PPARG: variants seen among roughly 807,000 people sequenced by gnomAD.
The protein encoded by PPARG is peroxisome proliferator activated receptor gamma.
Under a neutral mutation model 39.2 loss-of-function variants are expected in PPARG, and 17 were observed. The observed-to-expected ratio is 0.43, with a 90% confidence interval of 0.30 to 0.65. The LOEUF (loss-of-function observed/expected upper bound fraction) is 0.65. Among genes scored for constraint, PPARG ranks in the 30% least tolerant of loss-of-function variants. The probability of loss-of-function intolerance (pLI) is 0.13; values close to 1 mark genes in which losing one functional copy is unlikely to be tolerated. For missense variants in PPARG, 406 were observed against 585.9 expected, an observed-to-expected ratio of 0.69 and a Z score of 3.17; for synonymous variants, 223 against 215.7, an observed-to-expected ratio of 1.03 and a Z score of -0.30.
At chr3:12,323,827 G>A (rs1459480481) in intron 2 of PPARG, among the ~76,000 whole-genome samples, 8 of 152,090 alleles carry the variant, frequency 5.3e-5, no homozygotes, top group Non-Finnish European at 7.4e-5. Flanking sequence ...TTATAAAAGC[G>A]TAGTGGTAGG....
intron 1 of PPARG, among the ~76,000 whole-genome samples, chr3:12,305,122 C>G (rs1043168933): frequency 6.6e-5 from 10 of 151,792 alleles, no homozygotes; most frequent in Admixed American, 5.2e-4. Context: ...CTGGTGTTCC[C>G]TATGTTTTCT....
rs143263610 is a variant in PPARG at position 12,382,372 on chromosome 3, T to G, written c.390+881T>G. ...ACTCATATTTTGATATGCAGTCTTTTAAGATAATTTTAATATACACAATGC... is the reference window on the plus strand; with the variant it reads ...ACTCATATTTTGATATGCAGTCTTTGAAGATAATTTTAATATACACAATGC... On this transcript the variant is annotated intron_variant, in intron 4 of 7. Coordinates refer to ENST00000651735, the MANE Select transcript of PPARG (RefSeq NM_138711.6). 1.5e-4 allele frequency among the ~76,000 whole-genome samples: 23 copies of G among 152,360 alleles called. No homozygotes were observed. In the East Asian group the frequency reaches 3.7e-3, roughly 24 times the overall value.
chr3:12,319,593 A>ATAT (rs1315450190), intron 2 of PPARG, among the ~76,000 whole-genome samples: 2 of 152,172 alleles, frequency 1.3e-5, no homozygotes, highest in Admixed American at 1.3e-4. Flanking sequence ...AATATAAAGT[A>ATAT]TATTACTCAT....
intron 2 of PPARG, among the ~76,000 whole-genome samples, chr3:12,371,247 C>T (rs1334616439): frequency 1.3e-5 from 2 of 152,150 alleles, no homozygotes; most frequent in Admixed American, 6.5e-5. Context: ...GAGATACGAA[C>T]TTCCAGCAAT....
chr3:12,316,366 A>C (rs899847264), intron 2 of PPARG, among the ~76,000 whole-genome samples: 3 of 152,208 alleles, frequency 2.0e-5, no homozygotes. Context: ...AAGAAATAAC[A>C]GAAGTTGCAC....
In PPARG at chr3:12,417,902, C is replaced by CTTTTTTTTTTTTTTTTTTTT. The variant is rs869086237; in HGVS notation, c.1180+752_1180+771dup. Among the ~76,000 whole-genome samples the CTTTTTTTTTTTTTTTTTTTT allele has an allele frequency of 3.8e-4, 25 of 65,902 alleles. 3 individuals are homozygous for CTTTTTTTTTTTTTTTTTTTT. Among genetic ancestry groups the CTTTTTTTTTTTTTTTTTTTT allele is most frequent in the African/African-American group, 6.5e-4 (11 of 16,964 alleles). 43.2% of individuals were successfully genotyped at this position (65,902 alleles called of 152,430 possible). A position where few individuals can be genotyped will look rare whatever the true frequency, so the allele number is the denominator to read the frequency against. On this transcript the variant is annotated intron_variant, in intron 7 of 7. Coordinates refer to ENST00000651735, the MANE Select transcript of PPARG (RefSeq NM_138711.6). ...CTTTTTTTTTTCTTTTTTTTTTTTC[C>CTTTTTTTTTTTTTTTTTTTT]TTTTTTTTTTTTTTTTTTTTTTTGT...
intron 5 of PPARG, among the ~76,000 whole-genome samples, chr3:12,399,857 A>G (rs2050407125): frequency 6.7e-6 from 1 of 148,754 alleles, no homozygotes; most frequent in Admixed American, 6.7e-5. Context: ...GGGCATGGTC[A>G]TGTGTGCCTG....
At chr3:12,418,215 C>T (rs975850823) in intron 7 of PPARG, among the ~76,000 whole-genome samples, 1 of 152,124 alleles carries the variant, frequency 6.6e-6, no homozygotes, top group African/African-American at 2.4e-5. Flanking sequence ...GCAATCTTCT[C>T]ACCTTGGTCT....
chr3:12,374,119 C>T (rs1313678745), intron 2 of PPARG, among the ~76,000 whole-genome samples: 1 of 152,124 alleles, frequency 6.6e-6, no homozygotes, highest in Admixed American at 6.6e-5. Flanking sequence ...GAATGCCAAG[C>T]TAAAAGGCCA....
Position 12,406,006 on chromosome 3 carries a change from C to G in PPARG, c.654C>G (p.Asp218Glu), listed in dbSNP as rs1575124497. The change falls in exon 6 of 8, where the codon GAC becomes GAG. Residue 218 changes from aspartate (D) to glutamate (E), a missense_variant. Physicochemically the swap from Asp to Glu is conservative, Grantham distance 45. Transcript: ENST00000651735. ...GGGCCCTGGCAAAACATTTGTATGA[C>G]TCATACATAAAGTCCTTCCCGCTGA... ...DLRALAKHLYDSYIKSFPLTK... is the reference protein window; with the variant it reads ...DLRALAKHLYESYIKSFPLTK... The G allele has an allele frequency of 6.2e-7, 1 of 1,614,122 alleles. No homozygotes were observed. Among genetic ancestry groups the G allele is most frequent in the Non-Finnish European group, 8.5e-7 (1 of 1,179,988 alleles).
chr3:12,322,813 T>G (rs1559493079), intron 2 of PPARG, among the ~76,000 whole-genome samples: 3 of 152,074 alleles, frequency 2.0e-5, no homozygotes. Flanking sequence ...TGTTTGTTTG[T>G]TTTTTTCAGA....
intron 6 of PPARG, among the ~76,000 whole-genome samples, chr3:12,408,840 TAA>T (rs3836371): frequency 6.6e-6 from 1 of 151,282 alleles, no homozygotes; most frequent in African/African-American, 2.4e-5. Context: ...AAAAGACTGA[TAA>T]AAAAAAAGCC....
At position 12,324,234 on chromosome 3, in the gene PPARG, G is replaced by A. The variant is rs149747823; in HGVS notation, c.-9+11781G>A. Among the ~76,000 whole-genome samples, 426 of 151,962 alleles carry A rather than the reference G, an allele frequency of 2.8e-3. 2 individuals are homozygous for A. Among genetic ancestry groups the A allele is most frequent in the Non-Finnish European group, 4.7e-3 (320 of 67,974 alleles). ...GTGGAGGTTGTAGTGAACCGAGATC[G>A]TGCCACTGCACTCCAGGCTGGGCAA... On this transcript the variant is annotated intron_variant, in intron 2 of 7. Coordinates refer to ENST00000651735, the MANE Select transcript of PPARG (RefSeq NM_138711.6).
At chr3:12,326,899 G>A (rs1035756447) in intron 2 of PPARG, among the ~76,000 whole-genome samples, 3 of 152,166 alleles carry the variant, frequency 2.0e-5, no homozygotes, top group Non-Finnish European at 2.9e-5. Context: ...AGGCTGTACA[G>A]ATATCCTGGG....
At chr3:12,327,999 C>G in intron 2 of PPARG, 1 of 872,114 alleles carries the variant, frequency 1.1e-6, no homozygotes, top group Non-Finnish European at 2.0e-6. Flanking sequence ...TTAGAACCTA[C>G]TGTATAGTGA....
chr3:12,422,129 A>G (rs1185839320), intron 7 of PPARG, among the ~76,000 whole-genome samples: 1 of 152,256 alleles, frequency 6.6e-6, no homozygotes, highest in Non-Finnish European at 1.5e-5. Flanking sequence ...AGTAGAATCA[A>G]AGCCTAGTGC....
rs1292841858 is a variant in PPARG at position 12,340,956 on chromosome 3, G to A, written c.-9+28503G>A. The stretch of plus-strand genomic sequence containing the variant: ...TCCCAGCACTTTGGGAGGCCAAGGC[G>A]GGCGGATCACAAGGTCAGGAGTTCA... On this transcript the variant is annotated intron_variant, in intron 2 of 7. Coordinates refer to ENST00000651735, the MANE Select transcript of PPARG (RefSeq NM_138711.6). Among the ~76,000 whole-genome samples the A allele has an allele frequency of 2.0e-5, 3 of 152,168 alleles. No homozygotes were observed. In the East Asian group the frequency reaches 5.8e-4, roughly 29 times the overall value.
At chr3:12,306,486 C>T (rs2047066528) in intron 1 of PPARG, among the ~76,000 whole-genome samples, 1 of 152,070 alleles carries the variant, frequency 6.6e-6, no homozygotes, top group African/African-American at 2.4e-5. Context: ...GGATTTGAAC[C>T]CAGACAATCT....
chr3:12,325,457 C>T (rs1329279668), intron 2 of PPARG, among the ~76,000 whole-genome samples: 1 of 151,746 alleles, frequency 6.6e-6, no homozygotes, highest in Non-Finnish European at 1.5e-5. Flanking sequence ...AAAAAACGAG[C>T]CAGTGTCGTG....
Sources: allele counts gnomAD v4.1 joint callset (sites outside exome capture counted in the v4.1 genomes callset), GRCh38; gene constraint gnomAD v4.1.1; transcripts MANE v1.5; gene names NCBI Gene and HGNC (gene_info 2026-07-23, HGNC 2026-07-21).